PLCXD3: variants seen among roughly 807,000 people sequenced by gnomAD.
The protein encoded by PLCXD3 is phosphatidylinositol specific phospholipase C X domain containing 3.
PLCXD3 carries 19 observed loss-of-function variants against 25.5 expected under a neutral mutation model. The ratio of observed to expected loss-of-function variants is 0.75; its 90% CI spans 0.52 to 1.09. The LOEUF (loss-of-function observed/expected upper bound fraction) is 1.09, where lower values mean the gene tolerates loss of function less well. Ranked by LOEUF, PLCXD3 falls within the 50% of genes least tolerant of loss-of-function variation. PLCXD3 has a pLI of 0.00. For missense variants in PLCXD3, 411 were observed against 388.1 expected, an observed-to-expected ratio of 1.06 and a Z score of -0.50; for synonymous variants, 174 against 137.6, an observed-to-expected ratio of 1.26 and a Z score of -1.85.
At chr5:41,510,142 G>C (rs1739008160) in intron 1 of PLCXD3, among the ~76,000 whole-genome samples, 1 of 152,116 alleles carries the variant, frequency 6.6e-6, no homozygotes, top group East Asian at 1.9e-4. Context: ...CCATCCTGGA[G>C]CCCAGCTTCT....
At chr5:41,502,824 T>G (rs150434455) in intron 1 of PLCXD3, among the ~76,000 whole-genome samples, 1 of 152,298 alleles carries the variant, frequency 6.6e-6, no homozygotes, top group East Asian at 1.9e-4. Context: ...TAAGATCATC[T>G]CCAAAGGTGT....
At chr5:41,334,007 C>G (rs187842495) in intron 2 of PLCXD3, among the ~76,000 whole-genome samples, 148 of 152,180 alleles carry the variant, frequency 9.7e-4, no homozygotes, top group African/African-American at 3.2e-3. Flanking sequence ...ATAAAGCAAC[C>G]CTTATTTGCT....
At chr5:41,465,261 C>T (rs888152860) in intron 1 of PLCXD3, among the ~76,000 whole-genome samples, 1 of 150,004 alleles carries the variant, frequency 6.7e-6, no homozygotes, top group Non-Finnish European at 1.5e-5. Context: ...GAGGCCTCAG[C>T]ATTGGCTATG....
chr5:41,503,621 C>T (rs1431446282), intron 1 of PLCXD3, among the ~76,000 whole-genome samples: 1 of 152,098 alleles, frequency 6.6e-6, no homozygotes, highest in East Asian at 1.9e-4. Context: ...ACATATGGTG[C>T]TGTAAAAAGC....
intron 2 of PLCXD3, among the ~76,000 whole-genome samples, chr5:41,357,121 A>G (rs888927586): frequency 4.6e-5 from 7 of 152,238 alleles, no homozygotes; most frequent in African/African-American, 1.7e-4. Flanking sequence ...TGATGTATTT[A>G]AATAAAAGAA....
At chr5:41,319,422 C>T (rs1477113489) in intron 2 of PLCXD3, among the ~76,000 whole-genome samples, 1 of 152,102 alleles carries the variant, frequency 6.6e-6, no homozygotes, top group African/African-American at 2.4e-5. Context: ...TCTCTGACCA[C>T]AATGGGATAT....
chr5:41,502,811 C>T (rs1004400775), intron 1 of PLCXD3, among the ~76,000 whole-genome samples: 1 of 152,134 alleles, frequency 6.6e-6, no homozygotes, highest in African/African-American at 2.4e-5. Flanking sequence ...GAGACGAGAA[C>T]ATTAAGATCA....
At chr5:41,489,596 T>A (rs1395401089) in intron 1 of PLCXD3, among the ~76,000 whole-genome samples, 2 of 150,710 alleles carry the variant, frequency 1.3e-5, no homozygotes, top group Non-Finnish European at 3.0e-5. Context: ...TGTATCCTCT[T>A]TTATTTCCTT....
chr5:41,479,658 T>C (rs1748354590), intron 1 of PLCXD3, among the ~76,000 whole-genome samples: 1 of 152,014 alleles, frequency 6.6e-6, no homozygotes, highest in Non-Finnish European at 1.5e-5. Context: ...CTAATAATAA[T>C]TTTGCATTAT....
At chr5:41,448,665 A>T (rs1747559827) in intron 1 of PLCXD3, among the ~76,000 whole-genome samples, 2 of 152,194 alleles carry the variant, frequency 1.3e-5, no homozygotes, top group Non-Finnish European at 2.9e-5. Context: ...ACAAGTTTTG[A>T]GTCATCCTTT....
At chr5:41,403,100 GAATC>G (rs2150500333) in intron 1 of PLCXD3, among the ~76,000 whole-genome samples, 1 of 151,902 alleles carries the variant, frequency 6.6e-6, no homozygotes, top group East Asian at 1.9e-4. Flanking sequence ...TGGGTTAGTT[GAATC>G]ATTCTCAGAA....
chr5:41,332,255 C>A (rs1743839079), intron 2 of PLCXD3, among the ~76,000 whole-genome samples: 1 of 151,964 alleles, frequency 6.6e-6, no homozygotes, highest in African/African-American at 2.4e-5. Context: ...AAGAAAAAAA[C>A]AAACAACCCC....
chr5:41,358,686 T>G (rs1344729621), intron 2 of PLCXD3, among the ~76,000 whole-genome samples: 1 of 152,234 alleles, frequency 6.6e-6, no homozygotes, highest in African/African-American at 2.4e-5. Context: ...ACTTCCTTTT[T>G]ATTGATTTGG....
chr5:41,475,435 T>C (rs1161026548), intron 1 of PLCXD3, among the ~76,000 whole-genome samples: 1 of 152,240 alleles, frequency 6.6e-6, no homozygotes, highest in Non-Finnish European at 1.5e-5. Context: ...CTGCTAGTCT[T>C]TATCTATCCC....
intron 1 of PLCXD3, among the ~76,000 whole-genome samples, chr5:41,482,998 A>C (rs1051904709): frequency 1.3e-5 from 2 of 152,338 alleles, no homozygotes; most frequent in Middle Eastern, 6.8e-3. Context: ...TATTTGAGAT[A>C]TCTTATATAA....
intron 2 of PLCXD3, among the ~76,000 whole-genome samples, chr5:41,368,157 C>T (rs909070054): frequency 1.3e-5 from 2 of 152,060 alleles, no homozygotes; most frequent in African/African-American, 4.8e-5. Context: ...TTTTAGTTCT[C>T]CTTGAAGAGG....
At position 41,498,272 on chromosome 5, in the gene PLCXD3, A is replaced by G. The variant is rs78254177; in HGVS notation, c.103+12152T>C. On this transcript the variant is annotated intron_variant, in intron 1 of 2. Coordinates refer to ENST00000377801, the MANE Select transcript of PLCXD3 (RefSeq NM_001005473.3). ...AGGAATTTTTTGAAAAGATAAACAT[A>G]AGTGACATTTAGCTAAAGAAAGAAA... Among the ~76,000 whole-genome samples, 1,365 of 151,762 alleles carry G rather than the reference A, an allele frequency of 9.0e-3. 23 individuals carry two copies. The highest frequency in any genetic ancestry group is 0.031 in the African/African-American group (1,288 of 41,520).
intron 1 of PLCXD3, among the ~76,000 whole-genome samples, chr5:41,436,490 T>C (rs1309732189): frequency 6.6e-6 from 1 of 152,210 alleles, no homozygotes; most frequent in African/African-American, 2.4e-5. Flanking sequence ...ACTTAATATG[T>C]TCAGTAAATG....
intron 1 of PLCXD3, among the ~76,000 whole-genome samples, chr5:41,473,647 G>A (rs986798294): frequency 2.0e-5 from 3 of 151,740 alleles, no homozygotes; most frequent in South Asian, 2.1e-4. Context: ...TAATAGATAC[G>A]GGGTTTCACC....
Sources: allele counts gnomAD v4.1 joint callset (sites outside exome capture counted in the v4.1 genomes callset), GRCh38; gene constraint gnomAD v4.1.1; transcripts MANE v1.5; gene names NCBI Gene and HGNC (gene_info 2026-07-23, HGNC 2026-07-21).